Variants in PRKCH observed in about 807,000 individuals in gnomAD.
The protein encoded by PRKCH is protein kinase C eta.
Under a neutral mutation model 82.5 loss-of-function variants are expected in PRKCH, and 28 were observed. That is an observed-to-expected ratio of 0.34 (90% CI 0.25 to 0.47). The LOEUF is 0.47. Ranked by LOEUF, PRKCH falls within the 20% of genes least tolerant of loss-of-function variation. PRKCH has a pLI of 1.00. For synonymous variants in PRKCH, 322 were observed against 327.4 expected (o/e 0.98, Z 0.18); for missense variants, 705 against 881.8 (o/e 0.80, Z 2.54).
intron 1 of PRKCH, among the ~76,000 whole-genome samples, chr14:61,236,370 A>G (rs1025111659): frequency 6.6e-6 from 1 of 152,224 alleles, no homozygotes; most frequent in African/African-American, 2.4e-5. Context: ...AGGTCAGCAC[A>G]AGATACAGGT....
chr14:61,238,553 C>G (rs1029744750), intron 1 of PRKCH, among the ~76,000 whole-genome samples: 1 of 152,126 alleles, frequency 6.6e-6, no homozygotes, highest in African/African-American at 2.4e-5. Context: ...TTGTTTTGAC[C>G]CCACACATTT....
Position 61,321,865 on chromosome 14 carries a change from C to A in PRKCH, c.-237C>A, listed in dbSNP as rs1011039002. The A allele has an allele frequency of 2.3e-6, 1 of 436,994 alleles. No homozygotes were observed. The highest frequency in any genetic ancestry group is 2.0e-5 in the African/African-American group (1 of 49,274). The allele number at this position is 436,994 out of a possible 1,614,324, so 27.1% of individuals were successfully genotyped here. A position where few individuals can be genotyped will look rare whatever the true frequency, so the allele number is the denominator to read the frequency against. On this transcript the variant is annotated 5_prime_UTR_variant, in exon 1 of 14. Coordinates refer to ENST00000332981, the MANE Select transcript of PRKCH (RefSeq NM_006255.5). The surrounding 1 kb of genome is among the most constrained non-coding windows in gnomAD (Gnocchi z 4.1). ...GGAAGGGACGGTCGGGCTTCCCCGG[C>A]CCGCTGAGGGCTCGGCGGCGGGCTC...
chr14:61,505,113 A>C (rs1381201081), intron 10 of PRKCH, among the ~76,000 whole-genome samples: 4 of 152,184 alleles, frequency 2.6e-5, no homozygotes, highest in Admixed American at 2.0e-4. Context: ...GAAGAGACAG[A>C]TACCTCTCTC....
intron 1 of PRKCH, among the ~76,000 whole-genome samples, chr14:61,241,246 C>A (rs2044834367): frequency 6.6e-6 from 1 of 152,220 alleles, no homozygotes; most frequent in South Asian, 2.1e-4. Flanking sequence ...CACAGAATTT[C>A]CATGTCCTCT....
At chr14:61,291,943 T>A (rs1309428424) in intron 1 of PRKCH, among the ~76,000 whole-genome samples, 2 of 152,110 alleles carry the variant, frequency 1.3e-5, no homozygotes, top group African/African-American at 2.4e-5. Flanking sequence ...TAGGTTTTTC[T>A]TATCAGATTG....
At chr14:61,279,961 C>T in intron 1 of PRKCH, 1 of 782,814 alleles carries the variant, frequency 1.3e-6, no homozygotes, top group East Asian at 2.7e-5. Flanking sequence ...ATTCCCTTAT[C>T]TGGTCCCCTC....
intron 1 of PRKCH, among the ~76,000 whole-genome samples, chr14:61,293,568 GT>G (rs1359870503): frequency 1.3e-5 from 2 of 152,268 alleles, no homozygotes; most frequent in Non-Finnish European, 2.9e-5. Context: ...AAATCACTCA[GT>G]TCTCAGAACA....
At chr14:61,266,689 C>T (rs554075115) in intron 1 of PRKCH, among the ~76,000 whole-genome samples, 15 of 152,080 alleles carry the variant, frequency 9.9e-5, no homozygotes, top group East Asian at 1.9e-4. Context: ...AATTGTCTCA[C>T]GAGAATATGT....
chr14:61,350,487 A>G (rs1429490118), intron 1 of PRKCH, among the ~76,000 whole-genome samples: 1 of 151,798 alleles, frequency 6.6e-6, no homozygotes, highest in Non-Finnish European at 1.5e-5. Context: ...CTTGCTCCAT[A>G]CTCCTCTAGA....
At chr14:61,238,512 G>T (rs1481066268) in intron 1 of PRKCH, among the ~76,000 whole-genome samples, 4 of 152,150 alleles carry the variant, frequency 2.6e-5, no homozygotes, top group Admixed American at 2.6e-4. Flanking sequence ...ACCAGCTGGG[G>T]CTCCTGTTGG....
chr14:61,430,143 T>A (rs917410063), intron 2 of PRKCH, among the ~76,000 whole-genome samples: 2 of 152,112 alleles, frequency 1.3e-5, no homozygotes, highest in Non-Finnish European at 2.9e-5. Context: ...AGCCCAATTT[T>A]AAAAAAATGA....
At chr14:61,535,809 A>G (rs1333331106) in intron 12 of PRKCH, among the ~76,000 whole-genome samples, 3 of 152,328 alleles carry the variant, frequency 2.0e-5, no homozygotes, top group Admixed American at 6.5e-5. Flanking sequence ...ATTTCTTTCA[A>G]ATTAATCCAG....
At chr14:61,275,546 GAAAAAGACAAATCGCACTTAAATTGATC>G (rs2045194254) in intron 1 of PRKCH, among the ~76,000 whole-genome samples, 1 of 152,108 alleles carries the variant, frequency 6.6e-6, no homozygotes, top group Non-Finnish European at 1.5e-5. Flanking sequence ...TGCTCCTAAG[GAAAAAGACAAATCGCACTTAAATTGATC>G]AAAAAGACAA....
chr14:61,275,038 T>C (rs533478301), intron 1 of PRKCH, among the ~76,000 whole-genome samples: 8 of 152,348 alleles, frequency 5.3e-5, no homozygotes, highest in African/African-American at 1.9e-4. Context: ...TTACATGCTG[T>C]CACTTAGCAT....
In PRKCH at chr14:61,529,005, T is replaced by TGTGTGTGTGTGTGTGCGC. The variant is rs1491304992; in HGVS notation, c.1434-69_1434-68insTGTGTGTGTGTGTGCGCG. ...GTGTGTGTGTGTGTGTGTGTGTGTG[T>TGTGTGTGTGTGTGTGCGC]GCCCATTCTGAGAGGTGGATGGTTT... is the stretch of plus-strand genomic sequence containing the variant. On this transcript the variant is annotated intron_variant, in intron 10 of 13. Transcript: ENST00000332981. 82 of 1,460,526 alleles carry TGTGTGTGTGTGTGTGCGC rather than the reference T, an allele frequency of 5.6e-5. 1 individual carries two copies. Among genetic ancestry groups the TGTGTGTGTGTGTGTGCGC allele is most frequent in the Middle Eastern group, 2.2e-4 (1 of 4,478 alleles). The allele number at this position is 1,460,526 out of a possible 1,614,324, so 90.5% of individuals were successfully genotyped here. A position where few individuals can be genotyped will look rare whatever the true frequency, so the allele number is the denominator to read the frequency against.
chr14:61,509,978 A>G (rs1887306331), intron 10 of PRKCH, among the ~76,000 whole-genome samples: 1 of 152,138 alleles, frequency 6.6e-6, no homozygotes, highest in African/African-American at 2.4e-5. Context: ...GGAGGCCTTG[A>G]GGAGATGACA....
chr14:61,339,440 C>A (rs1372204710), intron 1 of PRKCH, among the ~76,000 whole-genome samples: 1 of 150,694 alleles, frequency 6.6e-6, no homozygotes, highest in African/African-American at 2.4e-5. Flanking sequence ...TCTCCTGCCT[C>A]AGCCTCCCGA....
At chr14:61,333,265 G>A (rs751951033) in intron 1 of PRKCH, among the ~76,000 whole-genome samples, 2 of 152,196 alleles carry the variant, frequency 1.3e-5, no homozygotes, top group African/African-American at 4.8e-5. Flanking sequence ...CTATGGAGCT[G>A]TTTCTGGAAA....
chr14:61,246,813 C>G (rs181026760), intron 1 of PRKCH, among the ~76,000 whole-genome samples: 2 of 152,214 alleles, frequency 1.3e-5, no homozygotes, highest in African/African-American at 4.8e-5. Context: ...GTGCTAAACT[C>G]CTGGGCTCAA....
Sources: allele counts gnomAD v4.1 joint callset (sites outside exome capture counted in the v4.1 genomes callset), GRCh38; gene constraint gnomAD v4.1.1; non-coding constraint Gnocchi (gnomAD v3.1); transcripts MANE v1.5; gene names NCBI Gene and HGNC (gene_info 2026-07-23, HGNC 2026-07-21).